ALK: variants seen among roughly 807,000 people sequenced by gnomAD.
ALK encodes ALK receptor tyrosine kinase, also known as ALK tyrosine kinase receptor.
In ALK, 74 loss-of-function variants were observed where a neutral mutation model predicts 163.1. The ratio of observed to expected loss-of-function variants is 0.45; its 90% CI spans 0.38 to 0.55. The LOEUF (loss-of-function observed/expected upper bound fraction) is 0.55. Among genes scored for constraint, ALK ranks in the 20% least tolerant of loss-of-function variants. ALK has a pLI of 0.00. For synonymous variants in ALK, 960 were observed against 843.2 expected, an observed-to-expected ratio of 1.14 and a Z score of -2.40; for missense variants, 2,063 against 2,105.3, an observed-to-expected ratio of 0.98 and a Z score of 0.39.
chr2:29,278,134 C>T (rs1665592770), intron 9 of ALK, among the ~76,000 whole-genome samples: 1 of 151,992 alleles, frequency 6.6e-6, no homozygotes, highest in Admixed American at 6.6e-5. Context: ...GTTTTGAATG[C>T]AGGGAAGGGC....
At chr2:29,524,844 T>C (rs1285139474) in intron 4 of ALK, among the ~76,000 whole-genome samples, 2 of 151,010 alleles carry the variant, frequency 1.3e-5, no homozygotes, top group South Asian at 2.1e-4. Flanking sequence ...GGATGGTAGA[T>C]GGATGAGTGG....
intron 3 of ALK, among the ~76,000 whole-genome samples, chr2:29,609,288 T>A (rs1675625705): frequency 1.3e-5 from 2 of 152,192 alleles, no homozygotes; most frequent in Admixed American, 6.5e-5. Context: ...GTGTGGTTTT[T>A]TTTCTTTTGT....
At chr2:29,473,980 G>A (rs1573384000) in intron 4 of ALK, among the ~76,000 whole-genome samples, 1 of 152,226 alleles carries the variant, frequency 6.6e-6, no homozygotes, top group East Asian at 1.9e-4. Flanking sequence ...ACATTGCTGG[G>A]AGGAGTTAAG....
In ALK at chr2:29,646,967, A is replaced by G. The variant is rs541608706; in HGVS notation, c.952+47883T>C. Among the ~76,000 whole-genome samples the G allele has an allele frequency of 6.6e-5, 10 of 152,322 alleles. 1 individual carries two copies. The South Asian group carries it at 1.9e-3, about 28-fold the overall frequency. On this transcript the variant is annotated intron_variant, in intron 3 of 28. Transcript: ENST00000389048. ...TGGGTTCACTGATGGGTCTGTGTGT[A>G]TAAACCAGTTCCTTGCACTGTTGTA...
At chr2:29,472,732 A>C (rs986868503) in intron 4 of ALK, among the ~76,000 whole-genome samples, 3 of 152,242 alleles carry the variant, frequency 2.0e-5, no homozygotes, top group African/African-American at 4.8e-5. Flanking sequence ...AATACTAGTC[A>C]CAAAAGAAAA....
chr2:29,198,961 CTT>C (rs145929777), intron 26 of ALK, among the ~76,000 whole-genome samples: 4 of 144,882 alleles, frequency 2.8e-5, no homozygotes. Context: ...TAGTTGTTTT[CTT>C]TTTTTTTTTT....
intron 1 of ALK, among the ~76,000 whole-genome samples, chr2:29,848,773 G>A (rs2148399374): frequency 6.6e-6 from 1 of 152,312 alleles, no homozygotes; most frequent in Middle Eastern, 3.4e-3. Context: ...CCTGCGGGCT[G>A]TTGGCAGAAG....
chr2:29,575,804 C>T (rs1405434228), intron 3 of ALK, among the ~76,000 whole-genome samples: 2 of 152,152 alleles, frequency 1.3e-5, no homozygotes, highest in Non-Finnish European at 2.9e-5. Context: ...AGTGCTGTGG[C>T]CCCAGCATGG....
chr2:29,749,507 AG>A (rs1421971973), intron 1 of ALK, among the ~76,000 whole-genome samples: 1 of 152,190 alleles, frequency 6.6e-6, no homozygotes. Context: ...TTAGGACCCC[AG>A]AGAGACATGT....
chr2:29,229,929 T>C (rs1664145740), intron 15 of ALK, among the ~76,000 whole-genome samples: 1 of 152,146 alleles, frequency 6.6e-6, no homozygotes, highest in Admixed American at 6.5e-5. Context: ...CTGGGGCTGC[T>C]TTGGGCTCTT....
At chr2:29,902,806 G>C (rs561482580) in intron 1 of ALK, among the ~76,000 whole-genome samples, 1 of 152,144 alleles carries the variant, frequency 6.6e-6, no homozygotes, top group Admixed American at 6.5e-5. Context: ...CAGGAAGCCT[G>C]TACTCACCAA....
At chr2:29,807,348 T>C (rs1376532631) in intron 1 of ALK, among the ~76,000 whole-genome samples, 1 of 152,210 alleles carries the variant, frequency 6.6e-6, no homozygotes, top group Non-Finnish European at 1.5e-5. Flanking sequence ...GTGAGTCTTG[T>C]GCTATTGATT....
intron 3 of ALK, among the ~76,000 whole-genome samples, chr2:29,554,707 G>A (rs1418275013): frequency 2.6e-5 from 4 of 152,298 alleles, no homozygotes; most frequent in South Asian, 2.1e-4. Context: ...TAGGGTCTGG[G>A]TAAAATGAGG....
At position 29,367,068 on chromosome 2, in the gene ALK, C is replaced by T. The variant is rs1429314351; in HGVS notation, c.1282+16664G>A. On this transcript the variant is annotated intron_variant, in intron 5 of 28. Coordinates refer to ENST00000389048, the MANE Select transcript of ALK (RefSeq NM_004304.5). ...CCGTCCTCTTTTTGAAAATACAAGC[C>T]GAGATATAAGGTTCTAGTGTGCCTA... Among the ~76,000 whole-genome samples the T allele has an allele frequency of 2.6e-5, 4 of 152,080 alleles. No individual in the cohort carries two copies. In the East Asian group the frequency reaches 7.7e-4, roughly 29 times the overall value.
chr2:29,724,931 T>C (rs1679526383), intron 1 of ALK, among the ~76,000 whole-genome samples: 1 of 152,124 alleles, frequency 6.6e-6, no homozygotes, highest in African/African-American at 2.4e-5. Context: ...TCTCCCATAA[T>C]ATTCTTTTGT....
intron 4 of ALK, among the ~76,000 whole-genome samples, chr2:29,471,021 G>A (rs1160481426): frequency 6.6e-6 from 1 of 151,840 alleles, no homozygotes; most frequent in East Asian, 1.9e-4. Context: ...TGGTCACTAG[G>A]GTAACCATGA....
intron 1 of ALK, among the ~76,000 whole-genome samples, chr2:29,841,375 C>T (rs1355919287): frequency 6.6e-6 from 1 of 152,188 alleles, no homozygotes; most frequent in Non-Finnish European, 1.5e-5. Context: ...CAGAAAGAAA[C>T]TTAAAGCTAA....
chr2:29,447,984 C>CT (rs1355478744), intron 4 of ALK, among the ~76,000 whole-genome samples: 7 of 152,152 alleles, frequency 4.6e-5, no homozygotes, highest in Non-Finnish European at 1.0e-4. Context: ...TCAAAACTAT[C>CT]TTTTTAAATG....
chr2:29,193,150 T>C lies in ALK; in HGVS notation c.*74A>G. On this transcript the variant is annotated 3_prime_UTR_variant, in exon 29 of 29. Transcript: ENST00000389048. ...AACGTGACATTTGGTCTCTGGTTTGTGAAGGAGCCATTGCCTCTCTCTCCT... is the reference window on the plus strand; with the variant it reads ...AACGTGACATTTGGTCTCTGGTTTGCGAAGGAGCCATTGCCTCTCTCTCCT... 6.8e-7 allele frequency: 1 copy of C among 1,476,844 alleles called. No individual in the cohort carries two copies. The highest frequency in any genetic ancestry group is 1.9e-5 in the Admixed American group (1 of 53,676). The allele number at this position is 1,476,844 out of a possible 1,614,324, so 91.5% of individuals were successfully genotyped here.
Sources: gnomAD v4.1 joint callset for allele counts (sites outside exome capture counted in the v4.1 genomes callset) on GRCh38, gnomAD v4.1.1 for gene constraint, MANE v1.5 for transcripts, NCBI Gene and HGNC (gene_info 2026-07-23, HGNC 2026-07-21) for gene names.